Variants in KCNJ6 observed in about 807,000 individuals in gnomAD.
The protein encoded by KCNJ6 is G protein-activated inward rectifier potassium channel 2.
A neutral mutation model predicts 34.2 loss-of-function variants in KCNJ6; 9 were observed. The observed-to-expected ratio is 0.26, with a 90% CI of 0.16 to 0.46. The LOEUF is 0.46. KCNJ6 is among the 20% of genes least tolerant of loss of function. The pLI is 1.00. For synonymous variants in KCNJ6, 196 were observed against 207.1 expected (o/e 0.95, Z 0.46); for missense variants, 236 against 531.3 (o/e 0.44, Z 5.46).
In KCNJ6 at chr21:37,822,917, C is replaced by T. The variant is rs928682438; in HGVS notation, c.25+17741G>A. Among the ~76,000 whole-genome samples, 3 of 152,140 alleles carry T rather than the reference C, an allele frequency of 2.0e-5. No individual in the cohort carries two copies. The South Asian group carries it at 6.2e-4, about 32-fold the overall frequency. Reference sequence around the variant, plus strand: ...GGGGGTGGAATAAGACTTTTCAGTCCTCATTCCTTCATCGAAACATCACTT... The same window carrying T: ...GGGGGTGGAATAAGACTTTTCAGTCTTCATTCCTTCATCGAAACATCACTT... On this transcript the variant is annotated intron_variant, in intron 2 of 3. Coordinates refer to ENST00000609713, the MANE Select transcript of KCNJ6 (RefSeq NM_002240.5).
At chr21:37,703,444 C>T (rs2054702227) in intron 3 of KCNJ6, among the ~76,000 whole-genome samples, 1 of 152,082 alleles carries the variant, frequency 6.6e-6, no homozygotes, top group African/African-American at 2.4e-5. Context: ...AAGCATGAGA[C>T]CAGGTTGCTA....
intron 3 of KCNJ6, among the ~76,000 whole-genome samples, chr21:37,633,363 A>G (rs1466245742): frequency 3.3e-5 from 5 of 152,182 alleles, no homozygotes; most frequent in African/African-American, 9.6e-5. Flanking sequence ...TTTGATGATG[A>G]TGATGATCAA....
In KCNJ6 at chr21:37,685,680, CCAA is replaced by C. The variant is rs1430871788; in HGVS notation, c.946+28528_946+28530del. On this transcript the variant is annotated intron_variant, in intron 3 of 3. Coordinates refer to ENST00000609713, the MANE Select transcript of KCNJ6 (RefSeq NM_002240.5). ...TGGGCGACAGAGTGAGACTCTGTCT[CCAA>C]AAAAAAAAAAAAAAAAAAAAAAAAA... 1.5e-3 allele frequency among the ~76,000 whole-genome samples: 27 copies of C among 17,424 alleles called. 2 individuals carry two copies. Among genetic ancestry groups the C allele is most frequent in the African/African-American group, 1.8e-3 (20 of 11,118 alleles). The allele number at this position is 17,424 out of a possible 152,430, so 11.4% of individuals were successfully genotyped here. A position where few individuals can be genotyped will look rare whatever the true frequency, so the allele number is the denominator to read the frequency against.
chr21:37,671,471 C>T (rs1245351781), intron 3 of KCNJ6, among the ~76,000 whole-genome samples: 1 of 152,238 alleles, frequency 6.6e-6, no homozygotes, highest in Non-Finnish European at 1.5e-5. Context: ...TTAATTATAT[C>T]CTTTATAATA....
rs1332448563 is a variant in KCNJ6 at position 37,685,370 on chromosome 21, C to T, written c.946+28841G>A. On this transcript the variant is annotated intron_variant, in intron 3 of 3. Coordinates refer to ENST00000609713, the MANE Select transcript of KCNJ6 (RefSeq NM_002240.5). Reference sequence around the variant, plus strand: ...CAAAATATGCATATCCTCTTTTATCCCATCAATCTCACTTCTAAGAATCTA... The same window carrying T: ...CAAAATATGCATATCCTCTTTTATCTCATCAATCTCACTTCTAAGAATCTA... Among the ~76,000 whole-genome samples, 3 of 150,634 alleles carry T rather than the reference C, an allele frequency of 2.0e-5. No individual in the cohort carries two copies. The East Asian group carries it at 5.9e-4, about 30-fold the overall frequency.
chr21:37,754,496 C>T (rs2055013563), intron 2 of KCNJ6, among the ~76,000 whole-genome samples: 3 of 152,146 alleles, frequency 2.0e-5, no homozygotes, highest in Non-Finnish European at 2.9e-5. Flanking sequence ...ACAAATGTCA[C>T]TTGGTTACAG....
intron 2 of KCNJ6, among the ~76,000 whole-genome samples, chr21:37,766,536 G>C (rs1372946246): frequency 6.6e-6 from 1 of 152,216 alleles, no homozygotes; most frequent in Non-Finnish European, 1.5e-5. Flanking sequence ...TGGATAGCAG[G>C]AATGAAATGG....
At chr21:37,741,283 T>A (rs1261469928) in intron 2 of KCNJ6, among the ~76,000 whole-genome samples, 2 of 152,198 alleles carry the variant, frequency 1.3e-5, no homozygotes, top group East Asian at 1.9e-4. Context: ...CTCTGGACTC[T>A]CTCTGCAGCC....
At position 37,766,128 on chromosome 21, in the gene KCNJ6, T is replaced by G. The variant is rs148222988; in HGVS notation, c.26-50997A>C. On this transcript the variant is annotated intron_variant, in intron 2 of 3. Coordinates refer to ENST00000609713, the MANE Select transcript of KCNJ6 (RefSeq NM_002240.5). Reference sequence around the variant, plus strand: ...CCCTCATTCTGCATCCCACACAACATGTTCATGAATTTTGTATCTGGAGAA... The same window carrying G: ...CCCTCATTCTGCATCCCACACAACAGGTTCATGAATTTTGTATCTGGAGAA... 3.2e-4 allele frequency among the ~76,000 whole-genome samples: 49 copies of G among 152,304 alleles called. 1 individual carries two copies. The East Asian group carries it at 6.4e-3, about 20-fold the overall frequency.
intron 1 of KCNJ6, among the ~76,000 whole-genome samples, chr21:37,881,836 A>T (rs2055710043): frequency 6.6e-6 from 1 of 152,228 alleles, no homozygotes; most frequent in Non-Finnish European, 1.5e-5. Flanking sequence ...GGACATGAAC[A>T]TTCAGTCTAC....
chr21:37,691,997 C>T (rs994469024), intron 3 of KCNJ6, among the ~76,000 whole-genome samples: 4 of 152,208 alleles, frequency 2.6e-5, no homozygotes, highest in African/African-American at 4.8e-5. Flanking sequence ...TTTGGGATGT[C>T]GTGGCATTCC....
rs554400419 is a variant in KCNJ6 at position 37,791,232 on chromosome 21, T to TG, written c.25+49425dup. On this transcript the variant is annotated intron_variant, in intron 2 of 3. Transcript: ENST00000609713. ...GGCAGTTTCTGATTAACCTTACATT[T>TG]GGGGGCATTTAATAAAATAGATTTC... is the stretch of plus-strand genomic sequence containing the variant. Among the ~76,000 whole-genome samples, 344 of 152,316 alleles carry TG rather than the reference T, an allele frequency of 2.3e-3. 2 individuals are homozygous for TG. Among genetic ancestry groups the TG allele is most frequent in the African/African-American group, 7.6e-3 (314 of 41,558 alleles).
chr21:37,824,885 ATTC>A (rs1384953672), intron 2 of KCNJ6, among the ~76,000 whole-genome samples: 1 of 152,018 alleles, frequency 6.6e-6, no homozygotes, highest in Non-Finnish European at 1.5e-5. Flanking sequence ...CTTTCTAAGG[ATTC>A]TCCCTAATAC....
rs192913454 is a variant in KCNJ6, at chr21:37,897,909, G to C, written c.-28+17975C>G. ...GTGGGATCCAACCCCTATTTGCTACGGGAGTAAAAATTAAGTGAGATGGGA... is the reference window on the plus strand; with the variant it reads ...GTGGGATCCAACCCCTATTTGCTACCGGAGTAAAAATTAAGTGAGATGGGA... On this transcript the variant is annotated intron_variant, in intron 1 of 3. Transcript: ENST00000609713. Among the ~76,000 whole-genome samples, 125 of 152,320 alleles carry C rather than the reference G, an allele frequency of 8.2e-4. No homozygotes were observed. The Middle Eastern group carries it at 0.014, about 17-fold the overall frequency.
intron 3 of KCNJ6, among the ~76,000 whole-genome samples, chr21:37,665,046 T>A (rs1056996716): frequency 6.6e-6 from 1 of 152,110 alleles, no homozygotes; most frequent in Non-Finnish European, 1.5e-5. Context: ...TCCGCCTGCC[T>A]CAGCCTCCCA....
At chr21:37,788,510 A>G (rs2055202387) in intron 2 of KCNJ6, among the ~76,000 whole-genome samples, 1 of 152,224 alleles carries the variant, frequency 6.6e-6, no homozygotes, top group Non-Finnish European at 1.5e-5. Flanking sequence ...CTTCATATTT[A>G]TGACCTGTGC....
At chr21:37,744,516 G>A (rs73206034) in intron 2 of KCNJ6, among the ~76,000 whole-genome samples, 4,487 of 152,202 alleles carry the variant, frequency 0.029, 99 homozygotes, top group Non-Finnish European at 0.042. Flanking sequence ...TTGGGAGGAG[G>A]AGAAAAGGGC....
chr21:37,836,196 T>C (rs2055450906), intron 2 of KCNJ6, among the ~76,000 whole-genome samples: 1 of 152,102 alleles, frequency 6.6e-6, no homozygotes. Context: ...TGAGATACCA[T>C]CTCAAGCCAG....
At chr21:37,643,479 G>A (rs557780347) in intron 3 of KCNJ6, among the ~76,000 whole-genome samples, 1 of 152,146 alleles carries the variant, frequency 6.6e-6, no homozygotes, top group African/African-American at 2.4e-5. Context: ...CCTTGCTCCT[G>A]GAAAAGGAAG....
Sources: allele counts gnomAD v4.1 joint callset (sites outside exome capture counted in the v4.1 genomes callset), GRCh38; gene constraint gnomAD v4.1.1; transcripts MANE v1.5; gene names NCBI Gene and HGNC (gene_info 2026-07-23, HGNC 2026-07-21).